The following DLGAP2 variants were observed in gnomAD, a reference collection of about 807,000 sequenced individuals.
The protein encoded by DLGAP2 is DLG associated protein 2.
In DLGAP2, 26 loss-of-function variants were observed where a neutral mutation model predicts 100.3. The ratio of observed to expected loss-of-function variants is 0.26; its 90% CI spans 0.19 to 0.36. The LOEUF is 0.36. Ranked by LOEUF, DLGAP2 falls within the 10% of genes least tolerant of loss-of-function variation. DLGAP2 has a pLI of 1.00. For synonymous variants in DLGAP2, 886 were observed against 630.1 expected (o/e 1.41, Z -6.08); for missense variants, 1,858 against 1,453.2 (o/e 1.28, Z -4.53).
intron 1 of DLGAP2, among the ~76,000 whole-genome samples, chr8:891,793 C>A (rs1166823451): frequency 1.3e-5 from 2 of 152,136 alleles, no homozygotes; most frequent in African/African-American, 4.8e-5. Context: ...CGGGGAGGGC[C>A]TGGGAGAGAT....
At chr8:1,028,445 T>C (rs1801880256) in intron 2 of DLGAP2, among the ~76,000 whole-genome samples, 1 of 150,006 alleles carries the variant, frequency 6.7e-6, no homozygotes, top group Non-Finnish European at 1.5e-5. Flanking sequence ...GCGCCCGTTA[T>C]TCTCCAGGTG....
intron 2 of DLGAP2, among the ~76,000 whole-genome samples, chr8:912,399 C>G (rs1306919819): frequency 6.6e-6 from 1 of 152,218 alleles, no homozygotes; most frequent in East Asian, 1.9e-4. Context: ...ACTCCTGACT[C>G]TGAAATCAGG....
Position 1,678,369 on chromosome 8 carries a change from A to G in DLGAP2, c.2444A>G (p.Tyr815Cys), listed in dbSNP as rs922516247. ...RHSEPSTPTQ[Y>C]SAVRTVRTQG... ...TCCGAGCCCAGCACCCCCACCCAGT[A>G]CAGCGCGGTGAGAACTGTACGGACC... The change falls in exon 12 of 15, where the codon TAC becomes TGC. Residue 815 changes from tyrosine to cysteine, a missense_variant. Tyr to Cys is a radical substitution (Grantham distance 194). Coordinates refer to ENST00000637795, the MANE Select transcript of DLGAP2 (RefSeq NM_001346810.2). The G allele has an allele frequency of 6.2e-7, 1 of 1,614,010 alleles. No individual in the cohort carries two copies. Among genetic ancestry groups the G allele is most frequent in the Non-Finnish European group, 8.5e-7 (1 of 1,179,892 alleles).
chr8:935,772 T>C (rs945575410), intron 2 of DLGAP2, among the ~76,000 whole-genome samples: 52 of 152,328 alleles, frequency 3.4e-4, no homozygotes, highest in African/African-American at 1.2e-3. Context: ...AGCATAGTGG[T>C]TCCTGTTTGT....
intron 2 of DLGAP2, among the ~76,000 whole-genome samples, chr8:920,505 C>T (rs1798691774): frequency 6.6e-6 from 1 of 152,212 alleles, no homozygotes; most frequent in African/African-American, 2.4e-5. Flanking sequence ...CCTGTAATCC[C>T]AGCACTTTGG....
In DLGAP2 at chr8:1,476,498, C is replaced by G. The variant is rs539396376; in HGVS notation, c.107-24868C>G. Among the ~76,000 whole-genome samples the G allele has an allele frequency of 2.0e-5, 3 of 152,290 alleles. No homozygotes were observed. The East Asian group carries it at 5.8e-4, about 29-fold the overall frequency. ...CGTGGGTATTTTGAGCTGAGTCAAA[C>G]TGATTTCCGCTGACACCAGCTTGGG... On this transcript the variant is annotated intron_variant, in intron 3 of 14. Coordinates refer to ENST00000637795, the MANE Select transcript of DLGAP2 (RefSeq NM_001346810.2).
intron 1 of DLGAP2, among the ~76,000 whole-genome samples, chr8:886,849 T>C (rs1335319821): frequency 1.3e-5 from 2 of 152,224 alleles, no homozygotes; most frequent in Non-Finnish European, 2.9e-5. Context: ...ATTCTGTTGA[T>C]TGGGGGTAGA....
intron 1 of DLGAP2, among the ~76,000 whole-genome samples, chr8:768,173 G>A (rs929823514): frequency 8.5e-5 from 13 of 152,090 alleles, no homozygotes; most frequent in Non-Finnish European, 1.6e-4. Flanking sequence ...GCTGGAGCCC[G>A]TTCACTGCAG....
intron 2 of DLGAP2, among the ~76,000 whole-genome samples, chr8:1,130,916 C>T (rs181250437): frequency 1.9e-4 from 29 of 151,260 alleles, no homozygotes; most frequent in South Asian, 1.3e-3. Flanking sequence ...AGACCGGAGA[C>T]GGGCCTCCCT....
At chr8:1,040,598 G>T (rs991220849) in intron 2 of DLGAP2, among the ~76,000 whole-genome samples, 5 of 148,180 alleles carry the variant, frequency 3.4e-5, no homozygotes, top group South Asian at 4.4e-4. Context: ...CTCAGTGTGC[G>T]TGGTCAGCTC....
At chr8:1,326,279 A>G (rs1332019778) in intron 3 of DLGAP2, among the ~76,000 whole-genome samples, 1 of 152,224 alleles carries the variant, frequency 6.6e-6, no homozygotes, top group Non-Finnish European at 1.5e-5. Flanking sequence ...GAAATTAGAC[A>G]ATCTGTATTT....
At chr8:1,544,201 C>A (rs1023612586) in intron 4 of DLGAP2, among the ~76,000 whole-genome samples, 1 of 152,156 alleles carries the variant, frequency 6.6e-6, no homozygotes, top group South Asian at 2.1e-4. Flanking sequence ...CTGCGTCTGG[C>A]CCTCTTTTAC....
At chr8:1,472,487 T>C (rs1021500728) in intron 3 of DLGAP2, among the ~76,000 whole-genome samples, 1 of 152,084 alleles carries the variant, frequency 6.6e-6, no homozygotes, top group Admixed American at 6.5e-5. Flanking sequence ...TCTTTTGAAA[T>C]CACTAAACAA....
chr8:1,352,192 C>T (rs1801747604), intron 3 of DLGAP2, among the ~76,000 whole-genome samples: 1 of 115,362 alleles, frequency 8.7e-6, no homozygotes. Context: ...ATAGGCTGTG[C>T]GGGTCCTGAC....
At chr8:1,477,400 T>G (rs1798965509) in intron 3 of DLGAP2, among the ~76,000 whole-genome samples, 1 of 152,134 alleles carries the variant, frequency 6.6e-6, no homozygotes. Flanking sequence ...GAAACCAGCC[T>G]CTCTCCCCAC....
chr8:1,621,985 C>G (rs2956964), intron 6 of DLGAP2: 1 of 152,088 alleles, frequency 6.6e-6, no homozygotes, highest in African/African-American at 2.4e-5. Flanking sequence ...CACTTTTTAC[C>G]CTGAATGTGG....
At chr8:1,640,191 G>T (rs1304383965) in intron 8 of DLGAP2, among the ~76,000 whole-genome samples, 2 of 152,170 alleles carry the variant, frequency 1.3e-5, no homozygotes, top group Admixed American at 1.3e-4. Context: ...ACAAATCCTT[G>T]TCGTAAATCC....
At chr8:1,415,784 A>T (rs992466599) in intron 3 of DLGAP2, among the ~76,000 whole-genome samples, 4 of 152,206 alleles carry the variant, frequency 2.6e-5, no homozygotes, top group East Asian at 1.9e-4. Flanking sequence ...GTGAACATAC[A>T]TGTGTCAGTG....
At chr8:1,151,694 G>A (rs753878239) in intron 2 of DLGAP2, among the ~76,000 whole-genome samples, 4 of 152,200 alleles carry the variant, frequency 2.6e-5, no homozygotes, top group Non-Finnish European at 5.9e-5. Flanking sequence ...AGCTCAAAGC[G>A]GTGCTTAGGC....
Sources: allele counts gnomAD v4.1 joint callset (sites outside exome capture counted in the v4.1 genomes callset), GRCh38; gene constraint gnomAD v4.1.1; transcripts MANE v1.5; gene names NCBI Gene and HGNC (gene_info 2026-07-23, HGNC 2026-07-21).